Variants in FAAH2 observed in about 807,000 individuals in gnomAD.
FAAH2 encodes the protein fatty-acid amide hydrolase 2.
Under a neutral mutation model 36.9 loss-of-function variants are expected in FAAH2, and 60 were observed. The observed-to-expected ratio is 1.63, with a 90% CI of 1.32 to 2.02. The LOEUF is 2.02. Ranked by LOEUF, FAAH2 falls within the 30% of genes most tolerant of loss-of-function variation. FAAH2 has a pLI of 0.00. For synonymous variants in FAAH2, 214 were observed against 143.8 expected (o/e 1.49, Z -3.49); for missense variants, 689 against 397.5 (o/e 1.73, Z -6.23).
intron 5 of FAAH2, among the ~76,000 whole-genome samples, chrX:57,373,471 T>G (rs773454369): frequency 1.8e-5 from 2 of 111,302 alleles, no homozygotes; most frequent in South Asian, 7.7e-4. Flanking sequence ...ATTTCCCTGA[T>G]TATTAGTGAA....
the FAAH2 span, among the ~76,000 whole-genome samples, chrX:57,145,918 T>A: frequency 8.9e-6 from 1 of 111,884 alleles, no homozygotes; most frequent in East Asian, 2.8e-4. Context: ...TTGGTCTATG[T>A]GCCTGTTTTT....
the FAAH2 span, among the ~76,000 whole-genome samples, chrX:57,218,945 G>A: frequency 4.5e-5 from 5 of 111,487 alleles, no homozygotes; most frequent in African/African-American, 1.6e-4. Flanking sequence ...TTGTCCCCAT[G>A]GCCTGAAAGC....
intron 3 of FAAH2, among the ~76,000 whole-genome samples, chrX:57,319,835 G>A (rs1199094079): frequency 9.0e-6 from 1 of 111,483 alleles, no homozygotes; most frequent in Non-Finnish European, 1.9e-5. Flanking sequence ...ATAGACCAAT[G>A]GAACAGAACA....
At chrX:57,356,970 C>A (rs914595886) in intron 5 of FAAH2, among the ~76,000 whole-genome samples, 2 of 110,467 alleles carry the variant, frequency 1.8e-5, no homozygotes, top group African/African-American at 6.6e-5. Flanking sequence ...CCCTGATATG[C>A]GATGTTCCTC....
At chrX:57,314,216 A>AT (rs757550992) in intron 3 of FAAH2, among the ~76,000 whole-genome samples, 117 of 111,971 alleles carry the variant, frequency 1.0e-3, no homozygotes, top group Admixed American at 1.6e-3. Flanking sequence ...TGCACCCAAC[A>AT]TTGGAGCACT....
intron 5 of FAAH2, among the ~76,000 whole-genome samples, chrX:57,366,569 G>A (rs2054422386): frequency 8.9e-6 from 1 of 112,497 alleles, no homozygotes; most frequent in African/African-American, 3.2e-5. Flanking sequence ...GCAGGGTGGT[G>A]TGTTTTCCAT....
the FAAH2 span, among the ~76,000 whole-genome samples, chrX:57,244,861 T>C: frequency 1.8e-5 from 2 of 111,142 alleles, no homozygotes; most frequent in Non-Finnish European, 3.8e-5. Flanking sequence ...AATGACAGGT[T>C]CAAATTGACC....
At chrX:57,301,116 A>T (rs1162958695) in intron 2 of FAAH2, among the ~76,000 whole-genome samples, 1 of 108,726 alleles carries the variant, frequency 9.2e-6, no homozygotes, top group Non-Finnish European at 1.9e-5. Context: ...TACTGGGTAT[A>T]TACCCAAAGG....
intron 10 of FAAH2, among the ~76,000 whole-genome samples, chrX:57,466,150 C>CTATA (rs1448015750): frequency 6.1e-4 from 46 of 75,609 alleles, no homozygotes; most frequent in East Asian, 2.5e-3. Flanking sequence ...CTCTCTCTCT[C>CTATA]TCTCTCTATA....
intron 7 of FAAH2, among the ~76,000 whole-genome samples, chrX:57,383,805 C>A (rs1050467859): frequency 8.9e-6 from 1 of 111,933 alleles, no homozygotes; most frequent in Non-Finnish European, 1.9e-5. Context: ...ACTTTCTTCA[C>A]AGAATTGGAA....
At chrX:57,240,443 A>G in the FAAH2 span, among the ~76,000 whole-genome samples, 1 of 111,476 alleles carries the variant, frequency 9.0e-6, no homozygotes, top group African/African-American at 3.3e-5. Flanking sequence ...CAATACTCCA[A>G]TGGGAGTGCT....
At chrX:57,136,930 G>T in the FAAH2 span, 1 of 767,801 alleles carries the variant, frequency 1.3e-6, no homozygotes, top group Non-Finnish European at 1.8e-6. Flanking sequence ...CCTGCAAAGC[G>T]GCCTTGACCA....
chrX:57,317,295 A>G (rs759137465), intron 3 of FAAH2, among the ~76,000 whole-genome samples: 3 of 112,510 alleles, frequency 2.7e-5, no homozygotes, highest in African/African-American at 6.5e-5. Flanking sequence ...AGACACACAT[A>G]GGCTCAAAAT....
intron 7 of FAAH2, chrX:57,381,441 C>A (rs1354713008): frequency 5.7e-6 from 2 of 353,090 alleles, no homozygotes; most frequent in Non-Finnish European, 7.3e-6. Context: ...ACAAATTTGT[C>A]TTTTTAAAAG....
At chrX:57,421,236 G>C (rs763508880) in intron 7 of FAAH2, among the ~76,000 whole-genome samples, 1 of 111,736 alleles carries the variant, frequency 8.9e-6, no homozygotes, top group African/African-American at 3.2e-5. Flanking sequence ...ACAAGATCAG[G>C]AGTCTGAGAC....
chrX:57,215,730 C>T, the FAAH2 span, among the ~76,000 whole-genome samples: 3 of 109,797 alleles, frequency 2.7e-5, no homozygotes, highest in Non-Finnish European at 5.7e-5. Flanking sequence ...ACACCAAACA[C>T]CACATGTTCT....
At chrX:57,207,340 T>C in the FAAH2 span, among the ~76,000 whole-genome samples, 1 of 111,752 alleles carries the variant, frequency 8.9e-6, no homozygotes, top group African/African-American at 3.3e-5. Context: ...TTTCAGGGGC[T>C]TTACCAACTC....
At chrX:57,386,657 T>G (rs1355905519) in intron 7 of FAAH2, among the ~76,000 whole-genome samples, 2 of 112,134 alleles carry the variant, frequency 1.8e-5, no homozygotes, top group African/African-American at 6.5e-5. Flanking sequence ...TCTAGCCAAT[T>G]TAATATTCTG....
chrX:57,475,632 C>A (rs190269530), intron 10 of FAAH2, among the ~76,000 whole-genome samples: 68 of 111,803 alleles, frequency 6.1e-4, no homozygotes, highest in Non-Finnish European at 1.1e-3. Flanking sequence ...AGCATGATTC[C>A]TCCAGCTTTG....
Sources: gnomAD v4.1 joint callset for allele counts (sites outside exome capture counted in the v4.1 genomes callset) on GRCh38, gnomAD v4.1.1 for gene constraint, MANE v1.5 for transcripts, NCBI Gene and HGNC (gene_info 2026-07-23, HGNC 2026-07-21) for gene names.